The following FSTL4 variants were observed in gnomAD, a reference collection of about 807,000 sequenced individuals.
The protein encoded by FSTL4 is follistatin-related protein 4.
FSTL4 carries 28 observed loss-of-function variants against 78.2 expected under a neutral mutation model. The ratio of observed to expected loss-of-function variants is 0.36; its 90% CI spans 0.27 to 0.49. The LOEUF is 0.49. Among genes scored for constraint, FSTL4 ranks in the 20% least tolerant of loss-of-function variants. The probability of loss-of-function intolerance (pLI) is 0.98; values close to 1 mark genes in which losing one functional copy is unlikely to be tolerated. For missense variants in FSTL4, 922 were observed against 1,084.9 expected (o/e 0.85, Z 2.11); for synonymous variants, 422 against 440.5 (o/e 0.96, Z 0.53).
At chr5:133,515,688 T>TA (rs72311535) in intron 3 of FSTL4, among the ~76,000 whole-genome samples, 2 of 147,924 alleles carry the variant, frequency 1.4e-5, no homozygotes, top group African/African-American at 4.9e-5. Flanking sequence ...TTTTTTTTTT[T>TA]AAAAAAAAGC....
At chr5:133,438,945 C>T (rs974986214) in intron 3 of FSTL4, among the ~76,000 whole-genome samples, 3 of 152,230 alleles carry the variant, frequency 2.0e-5, no homozygotes, top group Admixed American at 6.5e-5. Context: ...TGGAACCTCA[C>T]GCGCCTTTGA....
chr5:133,349,751 C>T (rs1410676338), intron 4 of FSTL4, among the ~76,000 whole-genome samples: 1 of 129,204 alleles, frequency 7.7e-6, no homozygotes, highest in Non-Finnish European at 1.6e-5. Context: ...GTAAAGGACC[C>T]AAAGGATGGA....
Position 133,426,658 on chromosome 5 carries a change from C to T in FSTL4, c.161-25672G>A, listed in dbSNP as rs113297176. Among the ~76,000 whole-genome samples the T allele has an allele frequency of 0.019, 2,918 of 152,140 alleles. 39 individuals carry two copies. Among genetic ancestry groups the T allele is most frequent in the Non-Finnish European group, 0.026 (1,786 of 67,994 alleles). On this transcript the variant is annotated intron_variant, in intron 3 of 15. Coordinates refer to ENST00000265342, the MANE Select transcript of FSTL4 (RefSeq NM_015082.2). The surrounding 1 kb of genome is among the most constrained non-coding windows in gnomAD (Gnocchi z 5.0). The stretch of plus-strand genomic sequence containing the variant: ...GGAGTGGAGGCAAAAGTAGTAGAAG[C>T]GGTGGCAATGGGGGCTATGGAGGAG...
At chr5:133,448,165 G>C (rs981743733) in intron 3 of FSTL4, among the ~76,000 whole-genome samples, 4 of 152,230 alleles carry the variant, frequency 2.6e-5, no homozygotes, top group African/African-American at 9.6e-5. Context: ...ATAACATTCC[G>C]TTAATTTGCC....
At chr5:133,661,838 A>C in the FSTL4 span, among the ~76,000 whole-genome samples, 202 of 152,318 alleles carry the variant, frequency 1.3e-3, no homozygotes, top group African/African-American at 4.8e-3. Flanking sequence ...GTTGTCCTTA[A>C]TTGGTTTAAT....
chr5:133,394,216 TCTTGGCGCCTCCTCAGC>T (rs1755936168), intron 4 of FSTL4, among the ~76,000 whole-genome samples: 1 of 152,264 alleles, frequency 6.6e-6, no homozygotes, highest in African/African-American at 2.4e-5. Flanking sequence ...CCTTGCTCAC[TCTTGGCGCCTCCTCAGC>T]CTTGGCGCCC....
intron 3 of FSTL4, among the ~76,000 whole-genome samples, chr5:133,487,491 AAT>A (rs1322124190): frequency 6.6e-6 from 1 of 152,140 alleles, no homozygotes; most frequent in African/African-American, 2.4e-5. Context: ...GCTGTTCATC[AAT>A]CTCTGTGACC....
chr5:133,526,366 T>C (rs1759100242), intron 3 of FSTL4, among the ~76,000 whole-genome samples: 3 of 152,098 alleles, frequency 2.0e-5, no homozygotes, highest in African/African-American at 7.2e-5. Context: ...GAGAAGTCTT[T>C]GCAGAGATGA....
intron 4 of FSTL4, among the ~76,000 whole-genome samples, chr5:133,391,368 C>G (rs1755845658): frequency 1.3e-5 from 2 of 152,182 alleles, no homozygotes; most frequent in Admixed American, 1.3e-4. Flanking sequence ...GGCATAGGGT[C>G]CACTCACATG....
At chr5:133,671,340 C>T in the FSTL4 span, among the ~76,000 whole-genome samples, 1 of 152,154 alleles carries the variant, frequency 6.6e-6, no homozygotes, top group South Asian at 2.1e-4. Flanking sequence ...TGCTACACAG[C>T]ACTACATAAC....
chr5:133,701,490 CACACACACACACACACACA>C, the FSTL4 span, among the ~76,000 whole-genome samples: 4 of 128,226 alleles, frequency 3.1e-5, no homozygotes, highest in African/African-American at 9.6e-5. Context: ...CACACACACA[CACACACACACACACACACA>C]CCCCACAGGC....
At chr5:133,321,621 G>A (rs1312061504) in intron 4 of FSTL4, among the ~76,000 whole-genome samples, 1 of 152,208 alleles carries the variant, frequency 6.6e-6, no homozygotes, top group African/African-American at 2.4e-5. Flanking sequence ...CGAGGCAGGT[G>A]GATTACCTGA....
intron 3 of FSTL4, among the ~76,000 whole-genome samples, chr5:133,547,685 C>T (rs1759610536): frequency 6.6e-6 from 1 of 152,208 alleles, no homozygotes; most frequent in Non-Finnish European, 1.5e-5. Context: ...GCTGTCCTTG[C>T]ATTTGCCCTT....
At chr5:133,444,756 C>G (rs1303373470) in intron 3 of FSTL4, among the ~76,000 whole-genome samples, 2 of 152,180 alleles carry the variant, frequency 1.3e-5, no homozygotes, top group Admixed American at 6.5e-5. Flanking sequence ...TCCCCAGATA[C>G]GTGGTGCTTA....
the FSTL4 span, among the ~76,000 whole-genome samples, chr5:133,760,330 G>A: frequency 6.6e-6 from 1 of 152,220 alleles, no homozygotes; most frequent in East Asian, 1.9e-4. Context: ...CCTGGAAAGG[G>A]AGCAGAACCT....
intron 6 of FSTL4, among the ~76,000 whole-genome samples, chr5:133,257,014 GAGA>G (rs1752395499): frequency 6.6e-6 from 1 of 152,244 alleles, no homozygotes; most frequent in African/African-American, 2.4e-5. Flanking sequence ...CATAAAGGCA[GAGA>G]CTATATCTGT....
intron 4 of FSTL4, among the ~76,000 whole-genome samples, chr5:133,324,576 A>G (rs892036168): frequency 2.0e-5 from 3 of 152,114 alleles, no homozygotes; most frequent in Admixed American, 2.0e-4. Context: ...TGACTTTTTC[A>G]TCCACTGTGG....
chr5:133,224,113 G>T, intron 11 of FSTL4, 77 bp downstream of exon 11: 1 of 1,173,366 alleles, frequency 8.5e-7, no homozygotes, highest in South Asian at 1.3e-5. Context: ...GCTGGTGGCA[G>T]ATCATGGAAA....
chr5:133,840,213 C>T, the FSTL4 span, among the ~76,000 whole-genome samples: 3 of 152,292 alleles, frequency 2.0e-5, no homozygotes, highest in Admixed American at 6.5e-5. Flanking sequence ...CAGAGACAAT[C>T]GACTCTTCCT....
Sources: allele counts gnomAD v4.1 joint callset (sites outside exome capture counted in the v4.1 genomes callset), GRCh38; gene constraint gnomAD v4.1.1; non-coding constraint Gnocchi (gnomAD v3.1); transcripts MANE v1.5; gene names NCBI Gene and HGNC (gene_info 2026-07-23, HGNC 2026-07-21).